GNB5: variants seen among roughly 807,000 people sequenced by gnomAD.
The protein encoded by GNB5 is G protein subunit beta 5.
In GNB5, 37 loss-of-function variants were observed where a neutral mutation model predicts 55.3. That is an observed-to-expected ratio of 0.67 (90% CI 0.51 to 0.88). The LOEUF (loss-of-function observed/expected upper bound fraction) is 0.88, where lower values mean the gene tolerates loss of function less well. GNB5 is among the 40% of genes least tolerant of loss of function. GNB5 has a pLI of 0.00. For synonymous variants in GNB5, 219 were observed against 198.5 expected, an observed-to-expected ratio of 1.10 and a Z score of -0.87; for missense variants, 476 against 515.3, an observed-to-expected ratio of 0.92 and a Z score of 0.74.
At chr15:52,150,011 A>C in intron 4 of GNB5, 86 bp from the exon 5 acceptor site, 1 of 1,006,142 alleles carries the variant, frequency 9.9e-7, no homozygotes. Flanking sequence ...TGTGTCCAGC[A>C]GGGCAGTGTG....
At chr15:52,165,584 A>G (rs2034434419) in intron 3 of GNB5, among the ~76,000 whole-genome samples, 1 of 152,222 alleles carries the variant, frequency 6.6e-6, no homozygotes, top group African/African-American at 2.4e-5. Flanking sequence ...CCAGAATTTT[A>G]TATGCGGCCA....
rs2033218786 is a variant in GNB5, at chr15:52,119,579, G to A, written c.*3178C>T. 1 of 151,992 alleles carries A rather than the reference G, an allele frequency of 6.6e-6. No individual in the cohort carries two copies. Among genetic ancestry groups the A allele is most frequent in the African/African-American group, 2.4e-5 (1 of 41,222 alleles). The allele number at this position is 151,992 out of a possible 1,614,324, so 9.4% of individuals were successfully genotyped here. A position where few individuals can be genotyped will look rare whatever the true frequency, so the allele number is the denominator to read the frequency against. On this transcript the variant is annotated 3_prime_UTR_variant, in exon 13 of 13. Coordinates refer to ENST00000261837, the MANE Select transcript of GNB5 (RefSeq NM_016194.4). ...GGGGGGCAAATAGGAAGGGGACTGA[G>A]GAGGACACAGGGAGAAGCTGGGAAC...
intron 9 of GNB5, among the ~76,000 whole-genome samples, chr15:52,132,053 C>G (rs1253931178): frequency 1.3e-5 from 2 of 152,170 alleles, no homozygotes; most frequent in Non-Finnish European, 2.9e-5. Context: ...CTGCTTGCTG[C>G]CCTCGATAAA....
Position 52,141,218 on chromosome 15 carries a change from G to A in GNB5, c.549C>T (p.Asn183=). 6.2e-7 allele frequency: 1 copy of A among 1,613,874 alleles called. No homozygotes were observed. The highest frequency in any genetic ancestry group is 8.5e-7 in the Non-Finnish European group (1 of 1,179,786). Reference sequence around the variant, plus strand: ...CAACAGACTTCTTTTTGGCAGCCATGTTTTCATTTTTGTCAAACGTCAAGG... The same window carrying A: ...CAACAGACTTCTTTTTGGCAGCCATATTTTCATTTTTGTCAAACGTCAAGG... The part of the protein sequence containing the change: ...VYPLTFDKNE[N]MAAKKKSVAM... The change falls in exon 7 of 13, where the codon AAC becomes AAT. Residue 183 remains asparagine, a synonymous_variant. Transcript: ENST00000261837.
intron 3 of GNB5, among the ~76,000 whole-genome samples, chr15:52,155,622 GTTTAGCCTCCAGTTATA>G (rs915941058): frequency 2.2e-4 from 34 of 152,330 alleles, no homozygotes; most frequent in Admixed American, 4.6e-4. Flanking sequence ...TCAGTTGCAT[GTTTAGCCTCCAGTTATA>G]TTTAGCCTCC....
At chr15:52,175,776 C>T (rs558249469) in intron 3 of GNB5, among the ~76,000 whole-genome samples, 31 of 151,866 alleles carry the variant, frequency 2.0e-4, no homozygotes, top group Non-Finnish European at 3.2e-4. Context: ...AACGGCCAGG[C>T]GCAGTGGGTC....
chr15:52,185,310 G>C (rs1304371317), intron 1 of GNB5, among the ~76,000 whole-genome samples: 1 of 152,240 alleles, frequency 6.6e-6, no homozygotes, highest in Admixed American at 6.5e-5. Context: ...GCCTGGTCCC[G>C]GCCCACCACT....
intron 6 of GNB5, among the ~76,000 whole-genome samples, 186 bp from the exon 7 acceptor site, chr15:52,141,458 G>C (rs1212039422): frequency 6.7e-6 from 1 of 150,078 alleles, no homozygotes; most frequent in Non-Finnish European, 1.5e-5. Flanking sequence ...AATAGAGACA[G>C]GGTCTTGCTC....
At chr15:52,189,435 C>T (rs898369077) in intron 1 of GNB5, among the ~76,000 whole-genome samples, 8 of 152,008 alleles carry the variant, frequency 5.3e-5, no homozygotes, top group Admixed American at 2.6e-4. Flanking sequence ...CAAAAATTAG[C>T]CAGGCGTGGT....
At chr15:52,163,876 A>G (rs1434299002) in intron 3 of GNB5, among the ~76,000 whole-genome samples, 1 of 152,136 alleles carries the variant, frequency 6.6e-6, no homozygotes, top group African/African-American at 2.4e-5. Flanking sequence ...CAGAGGAAGG[A>G]GCTGGATGCC....
rs537666108 is a variant in GNB5, at chr15:52,157,532, C to G, written c.239-3456G>C. ...GTGCTGGGATTACAGGAGTGAGCCA[C>G]CGCGCCCAGCCATATAGGCCTTTTA... On this transcript the variant is annotated intron_variant, in intron 3 of 12. Coordinates refer to ENST00000261837, the MANE Select transcript of GNB5 (RefSeq NM_016194.4). Among the ~76,000 whole-genome samples, 7 of 152,314 alleles carry G rather than the reference C, an allele frequency of 4.6e-5. No individual in the cohort carries two copies. In the South Asian group the frequency reaches 1.4e-3, roughly 32 times the overall value.
intron 10 of GNB5, among the ~76,000 whole-genome samples, chr15:52,127,129 T>G (rs975786983): frequency 6.6e-6 from 1 of 152,190 alleles, no homozygotes; most frequent in African/African-American, 2.4e-5. Flanking sequence ...TTGATTCATA[T>G]GGCAAATCTG....
intron 2 of GNB5, among the ~76,000 whole-genome samples, chr15:52,183,627 G>C (rs1361302610): frequency 6.6e-6 from 1 of 152,208 alleles, no homozygotes; most frequent in Non-Finnish European, 1.5e-5. Flanking sequence ...TTTTCAGTTA[G>C]ATAAAATGTA....
At chr15:52,149,973 A>G (rs779758707) in intron 4 of GNB5, 48 bp from the exon 5 acceptor site, 3 of 1,376,654 alleles carry the variant, frequency 2.2e-6, no homozygotes, top group Admixed American at 3.4e-5. Context: ...GTTCTTACAG[A>G]TTACTGCTGA....
In GNB5 at chr15:52,124,476, G is replaced by A; in HGVS notation, c.1173C>T (p.Leu391=). 1 of 1,612,296 alleles carries A rather than the reference G, an allele frequency of 6.2e-7. No homozygotes were observed. Among genetic ancestry groups the A allele is most frequent in the African/African-American group, 1.3e-5 (1 of 74,994 alleles). ...AFCSGSWDHT[L]RVWA ...AACAGAAAACCATCCCTCTTACTCT[G>A]AGGGTATGATCCCATGATCCAGAGC... The change falls in exon 12 of 13, where the codon CTC becomes CTT. Residue 391 remains leucine, a synonymous_variant. Transcript: ENST00000261837.
chr15:52,164,392 G>A (rs982229278), intron 3 of GNB5, among the ~76,000 whole-genome samples: 10 of 151,470 alleles, frequency 6.6e-5, no homozygotes, highest in Non-Finnish European at 1.3e-4. Context: ...GCCGAGGCGG[G>A]CGGATCACGA....
chr15:52,122,755 G>A lies in GNB5; in HGVS notation c.*2C>T. ...ATACATGAGTGCACTGTCAGAAGAT[G>A]ATTAGGCCCAGACCTGTGAAGACAC... On this transcript the variant is annotated 3_prime_UTR_variant, in exon 13 of 13. Transcript: ENST00000261837. 2.5e-6 allele frequency: 4 copies of A among 1,601,690 alleles called. No individual in the cohort carries two copies. Among genetic ancestry groups the A allele is most frequent in the African/African-American group, 1.3e-5 (1 of 74,824 alleles).
chr15:52,124,019 A>T (rs2033349287), intron 12 of GNB5, among the ~76,000 whole-genome samples: 1 of 151,674 alleles, frequency 6.6e-6, no homozygotes, highest in African/African-American at 2.4e-5. Flanking sequence ...AAAAAAAAAA[A>T]AAAAAAAAGG....
chr15:52,162,932 C>T (rs912308712), intron 3 of GNB5: 1 of 152,218 alleles, frequency 6.6e-6, no homozygotes, highest in Non-Finnish European at 1.5e-5. Flanking sequence ...ATCCGCAGCG[C>T]TCGTGGAGAA....
Sources: gnomAD v4.1 joint callset for allele counts (sites outside exome capture counted in the v4.1 genomes callset) on GRCh38, gnomAD v4.1.1 for gene constraint, MANE v1.5 for transcripts, NCBI Gene and HGNC (gene_info 2026-07-23, HGNC 2026-07-21) for gene names.